Variants in NUP62 observed in about 807,000 individuals in gnomAD.
NUP62 encodes nucleoporin 62.
For synonymous variants in NUP62, 305 were observed against 303.4 expected, an observed-to-expected ratio of 1.01 and a Z score of -0.05; for missense variants, 647 against 689.4, an observed-to-expected ratio of 0.94 and a Z score of 0.69.
rs557171911 is a variant in NUP62 at position 49,923,859 on chromosome 19, T to C, written c.-78+3835A>G. Among the ~76,000 whole-genome samples, 6 of 152,316 alleles carry C rather than the reference T, an allele frequency of 3.9e-5. No homozygotes were observed. The East Asian group carries it at 1.2e-3, about 29-fold the overall frequency. On this transcript the variant is annotated intron_variant, in intron 2 of 2. Transcript: ENST00000352066. ...CTAGGGCCCATGCTCTGACCCACGC[T>C]GCGGAAGGCAGCCGAGGCTCGGCAG... is the stretch of plus-strand genomic sequence containing the variant.
At chr19:49,925,456 A>C (rs2075864861) in intron 2 of NUP62, among the ~76,000 whole-genome samples, 1 of 149,322 alleles carries the variant, frequency 6.7e-6, no homozygotes, top group South Asian at 2.1e-4. Context: ...AGCCAAAAAA[A>C]AAAAAAAATA....
chr19:49,912,163 C>A (rs1312003294), intron 2 of NUP62, among the ~76,000 whole-genome samples: 2 of 137,882 alleles, frequency 1.5e-5, no homozygotes, highest in African/African-American at 2.6e-5. Context: ...CTTAACAGTT[C>A]ACCTTTTTTT....
Position 49,908,842 on chromosome 19 carries a change from C to T in NUP62, c.966G>A (p.Ala322=), listed in dbSNP as rs992257467. Residue 322 remains alanine (A), a synonymous_variant, in exon 3 of 3, where the codon GCG becomes GCA. Transcript: ENST00000352066. Reference sequence around the variant, plus strand: ...CGTAGGTCATGGCGGAGCTGGCAGCCGCCCCTGCAGCTGCGCCAGGGCCAG... The same window carrying T: ...CGTAGGTCATGGCGGAGCTGGCAGCTGCCCCTGCAGCTGCGCCAGGGCCAG... ...APPGPGAAAG[A]AASSAMTYAQ... 8.1e-6 allele frequency: 13 copies of T among 1,612,506 alleles called. No individual in the cohort carries two copies. Among genetic ancestry groups the T allele is most frequent in the Admixed American group, 3.3e-5 (2 of 60,008 alleles).
rs1219920087 is a variant in NUP62 at position 49,908,505 on chromosome 19, T to C, written c.1303A>G (p.Lys435Glu). 1.2e-6 allele frequency: 2 copies of C among 1,614,116 alleles called. No individual in the cohort carries two copies. The highest frequency in any genetic ancestry group is 1.7e-6 in the Non-Finnish European group (2 of 1,180,022). Residue 435 changes from lysine (K) to glutamate (E), a missense_variant, in exon 3 of 3, where the codon AAG becomes GAG. Transcript: ENST00000352066. ...TGTGCATCGATGTTCTCAGCCAGCT[T>C]GTAGGTTTTCTCACGCTCCTCATCC... Reference protein sequence around the residue: ...HADEEREKTYKLAENIDAQLK... With the variant: ...HADEEREKTYELAENIDAQLK...
Position 49,908,950 on chromosome 19 carries a change from G to T in NUP62, c.858C>A (p.Ser286Arg), listed in dbSNP as rs752495361. 1 of 1,567,384 alleles carries T rather than the reference G, an allele frequency of 6.4e-7. No homozygotes were observed. Reference protein sequence around the residue: ...TATATTTSSSSTTGFALNLKP... With the variant: ...TATATTTSSSRTTGFALNLKP... The stretch of plus-strand genomic sequence containing the variant: ...TTAAATTCAAGGCAAAGCCGGTGGT[G>T]CTGCTGCTGCTGGTGGTGGTGGCGG... The change falls in exon 3 of 3, where the codon AGC becomes AGA. Residue 286 changes from serine (S) to arginine (R), a missense_variant. Ser to Arg is a moderately radical substitution (Grantham distance 110). Coordinates refer to ENST00000352066, the MANE Select transcript of NUP62 (RefSeq NM_016553.5).
In NUP62 at chr19:49,909,534, T is replaced by C. The variant is rs2122605090; in HGVS notation, c.274A>G (p.Ile92Val). ...CTCAAGTTGAGCTTTGAAGCACCGA[T>C]CCCCAAAGAAAATCCAGTTCCCCCC... is the stretch of plus-strand genomic sequence containing the variant. ...ASGGTGFSLG[I>V]GASKLNLSNT... The change falls in exon 3 of 3, where the codon ATC becomes GTC. Residue 92 changes from isoleucine (I) to valine (V), a missense_variant. By Grantham distance (29) the Ile-to-Val change is conservative. Coordinates refer to ENST00000352066, the MANE Select transcript of NUP62 (RefSeq NM_016553.5). 6.2e-7 allele frequency: 1 copy of C among 1,614,110 alleles called. No homozygotes were observed.
At position 49,909,360 on chromosome 19, in the gene NUP62, C is replaced by T. The variant is rs1233129164; in HGVS notation, c.448G>A (p.Ala150Thr). ...AAGCCTCCAGATGTGGTAGCTGGAGCCACAGAGGTGGTGGAGGGGCCAAAC... is the reference window on the plus strand; with the variant it reads ...AAGCCTCCAGATGTGGTAGCTGGAGTCACAGAGGTGGTGGAGGGGCCAAAC... Reference protein sequence around the residue: ...FVFGPSTTSVAPATTSGGFSF... With the variant: ...FVFGPSTTSVTPATTSGGFSF... Residue 150 changes from alanine to threonine, a missense_variant, in exon 3 of 3, where the codon GCT becomes ACT. Transcript: ENST00000352066. The T allele has an allele frequency of 6.2e-7, 1 of 1,613,748 alleles. No homozygotes were observed. Among genetic ancestry groups the T allele is most frequent in the Non-Finnish European group, 8.5e-7 (1 of 1,180,028 alleles).
chr19:49,925,513 G>C (rs1240791395), intron 2 of NUP62, among the ~76,000 whole-genome samples: 1 of 150,996 alleles, frequency 6.6e-6, no homozygotes, highest in East Asian at 1.9e-4. Context: ...CCCAGTCTGA[G>C]ACAAAACCAA....
At chr19:49,914,641 C>T (rs773370596) in intron 2 of NUP62, among the ~76,000 whole-genome samples, 12 of 150,384 alleles carry the variant, frequency 8.0e-5, no homozygotes, top group Admixed American at 1.3e-4. Flanking sequence ...TCTGTGAGAA[C>T]CAGGGTTCTT....
At chr19:49,914,726 GTTTTTT>G (rs530372497) in intron 2 of NUP62, among the ~76,000 whole-genome samples, 1,374 of 56,050 alleles carry the variant, frequency 0.025, 3 homozygotes, top group Non-Finnish European at 0.034. Flanking sequence ...CCAAGTCCCA[GTTTTTT>G]TTTTTTTTTT....
At chr19:49,915,679 G>A (rs761451548) in intron 2 of NUP62, among the ~76,000 whole-genome samples, 4 of 152,240 alleles carry the variant, frequency 2.6e-5, no homozygotes, top group African/African-American at 4.8e-5. Flanking sequence ...CAGAGCTGGG[G>A]TTGAGAAAGG....
intron 2 of NUP62, among the ~76,000 whole-genome samples, chr19:49,914,623 C>G (rs756698416): frequency 3.9e-5 from 6 of 152,014 alleles, no homozygotes; most frequent in African/African-American, 1.2e-4. Context: ...GGGCATATCC[C>G]ACCCCCATCT....
rs200872507 is a variant in NUP62 at position 49,910,466 on chromosome 19, G to A, written c.-77-582C>T. ...CTGGAACTCCTCCTCCTAACTCAGGGGAGGGTCTGAAACCCATGTGCTCAG... is the reference window on the plus strand; with the variant it reads ...CTGGAACTCCTCCTCCTAACTCAGGAGAGGGTCTGAAACCCATGTGCTCAG... On this transcript the variant is annotated intron_variant, in intron 2 of 2. Transcript: ENST00000352066. Among the ~76,000 whole-genome samples the A allele has an allele frequency of 3.3e-5, 5 of 152,252 alleles. No individual in the cohort carries two copies. In the East Asian group the frequency reaches 5.8e-4, roughly 18 times the overall value.
At chr19:49,924,414 G>A (rs1279992283) in intron 2 of NUP62, among the ~76,000 whole-genome samples, 3 of 152,104 alleles carry the variant, frequency 2.0e-5, no homozygotes, top group Non-Finnish European at 2.9e-5. Flanking sequence ...AACCGGGAGC[G>A]GTTGCCAGGT....
rs199498986 is a variant in NUP62 at position 49,908,980 on chromosome 19, G to A, written c.828C>T (p.Thr276=). The A allele has an allele frequency of 8.0e-5, 128 of 1,608,694 alleles. No homozygotes were observed. In the East Asian group the frequency reaches 2.1e-3, roughly 27 times the overall value. The change falls in exon 3 of 3, where the codon ACC becomes ACT. Residue 276 remains threonine (T), a synonymous_variant. Transcript: ENST00000352066. ...GTSTTTSTAA[T]ATATTTSSSS... ...TGCTGCTGGTGGTGGTGGCGGTGGC[G>A]GTGGCAGCGGTGGATGTTGTTGTGG...
At chr19:49,923,031 G>A (rs1230348934) in intron 2 of NUP62, among the ~76,000 whole-genome samples, 2 of 152,166 alleles carry the variant, frequency 1.3e-5, no homozygotes, top group African/African-American at 2.4e-5. Flanking sequence ...TGGCATCCTG[G>A]GCTCTAGGAC....
intron 2 of NUP62, among the ~76,000 whole-genome samples, chr19:49,917,030 G>T (rs1420781672): frequency 2.6e-5 from 4 of 152,288 alleles, no homozygotes; most frequent in Admixed American, 2.6e-4. Context: ...AAGACGGACA[G>T]GGTGCGGAGC....
At chr19:49,920,266 A>G (rs924300882) in intron 2 of NUP62, among the ~76,000 whole-genome samples, 1 of 152,208 alleles carries the variant, frequency 6.6e-6, no homozygotes, top group Non-Finnish European at 1.5e-5. Context: ...TATTTTTAGT[A>G]GAGACGGGGT....
intron 2 of NUP62, among the ~76,000 whole-genome samples, chr19:49,917,161 A>G (rs1400886736): frequency 6.6e-6 from 1 of 152,214 alleles, no homozygotes; most frequent in Non-Finnish European, 1.5e-5. Flanking sequence ...GAGGGAGTGG[A>G]GAGGAGAGAA....
Sources: gnomAD v4.1 joint callset for allele counts (sites outside exome capture counted in the v4.1 genomes callset) on GRCh38, gnomAD v4.1.1 for gene constraint, MANE v1.5 for transcripts, NCBI Gene and HGNC (gene_info 2026-07-23, HGNC 2026-07-21) for gene names.